ZHX3: variants seen among roughly 807,000 people sequenced by gnomAD.
ZHX3 encodes zinc fingers and homeoboxes 3.
In ZHX3, 20 loss-of-function variants were observed where a neutral mutation model predicts 64.5. That is an observed-to-expected ratio of 0.31 (90% CI 0.22 to 0.45). ZHX3 has a LOEUF of 0.45. Among genes scored for constraint, ZHX3 ranks in the 20% least tolerant of loss-of-function variants. ZHX3 has a pLI of 1.00. For missense variants in ZHX3, 1,041 were observed against 1,195.8 expected (o/e 0.87, Z 1.91); for synonymous variants, 423 against 461.6 (o/e 0.92, Z 1.07).
intron 2 of ZHX3, among the ~76,000 whole-genome samples, chr20:41,257,812 C>T (rs2042342055): frequency 1.4e-5 from 2 of 145,694 alleles, no homozygotes; most frequent in Admixed American, 1.3e-4. Context: ...GGGGTTTCAC[C>T]ATGCTAGCCA....
At chr20:41,300,592 C>G (rs984424749) in intron 1 of ZHX3, among the ~76,000 whole-genome samples, 1 of 152,124 alleles carries the variant, frequency 6.6e-6, no homozygotes, top group South Asian at 2.1e-4. Context: ...AGGTAATCTA[C>G]TTTATGCTCC....
At chr20:41,296,698 T>C (rs1015071270) in intron 1 of ZHX3, among the ~76,000 whole-genome samples, 37 of 152,250 alleles carry the variant, frequency 2.4e-4, no homozygotes, top group East Asian at 1.9e-4. Context: ...ATGAATCACA[T>C]CAACAGGTCC....
intron 1 of ZHX3, among the ~76,000 whole-genome samples, chr20:41,295,253 A>G (rs1169106680): frequency 1.3e-5 from 2 of 152,188 alleles, no homozygotes; most frequent in East Asian, 1.9e-4. Flanking sequence ...TACATAAAAC[A>G]CTTCAGTAGA....
intron 1 of ZHX3, among the ~76,000 whole-genome samples, chr20:41,303,354 T>G (rs895434319): frequency 2.6e-5 from 4 of 152,232 alleles, no homozygotes; most frequent in African/African-American, 9.7e-5. Flanking sequence ...TGTGGAGGTC[T>G]TCGTAAATAT....
chr20:41,232,682 C>T lies in ZHX3; in HGVS notation c.-150-27616G>A, dbSNP rs867901026. Among the ~76,000 whole-genome samples, 39 of 152,136 alleles carry T rather than the reference C, an allele frequency of 2.6e-4. No individual in the cohort carries two copies. The highest frequency in any genetic ancestry group is 1.6e-3 in the Admixed American group (24 of 15,266). On this transcript the variant is annotated intron_variant, in intron 2 of 3. Coordinates refer to ENST00000683867, the MANE Select transcript of ZHX3 (RefSeq NM_001384317.1). This position sits in a 1 kb window ranked among gnomAD's most constrained non-coding sequence, Gnocchi z 5.0. ...TCGGCTCATTGCAAGCTCCGCCTCC[C>T]GGGTTCACGCCATTCTCCTGCCTCA...
chr20:41,218,935 T>TG (rs1568844669), intron 2 of ZHX3, among the ~76,000 whole-genome samples: 4 of 145,888 alleles, frequency 2.7e-5, no homozygotes, highest in Middle Eastern at 3.4e-3. Context: ...TTTTTTTTTT[T>TG]TTTTTTTTTT....
rs372301780 is a variant in ZHX3 at position 41,185,183 on chromosome 20, G to T, written c.*8C>A. The T allele has an allele frequency of 6.2e-7, 1 of 1,609,436 alleles. No individual in the cohort carries two copies. Among genetic ancestry groups the T allele is most frequent in the Non-Finnish European group, 8.5e-7 (1 of 1,177,748 alleles). ...ACTGGCCAGTCCTTCACATTAATCA[G>T]ATCAAATTCAGTCTGTTTCTGAGAA... On this transcript the variant is annotated 3_prime_UTR_variant, in exon 4 of 4. Coordinates refer to ENST00000683867, the MANE Select transcript of ZHX3 (RefSeq NM_001384317.1). This position sits in a 1 kb window ranked among gnomAD's most constrained non-coding sequence, Gnocchi z 5.0.
chr20:41,202,598 G>A lies in ZHX3; in HGVS notation c.2319C>T (p.Ala773=), dbSNP rs1332261033. 1 of 1,613,924 alleles carries A rather than the reference G, an allele frequency of 6.2e-7. No homozygotes were observed. The highest frequency in any genetic ancestry group is 1.7e-5 in the Admixed American group (1 of 60,022). ...LPGKVSCKKT[A]QQRHLLRQLF... ...GCTGCCGCAGCAAGTGCCGCTGCTG[G>A]GCAGTCTTTTTGCAGCTCACTTTGC... The change falls in exon 3 of 4, where the codon GCC becomes GCT. Residue 773 remains alanine, a synonymous_variant. Coordinates refer to ENST00000683867, the MANE Select transcript of ZHX3 (RefSeq NM_001384317.1). This position sits in a 1 kb window ranked among gnomAD's most constrained non-coding sequence, Gnocchi z 7.0.
intron 1 of ZHX3, among the ~76,000 whole-genome samples, chr20:41,289,703 T>A (rs2044128709): frequency 6.6e-6 from 1 of 152,086 alleles, no homozygotes; most frequent in African/African-American, 2.4e-5. Flanking sequence ...GTCACTTTTT[T>A]TTTTTTAACA....
chr20:41,204,240 C>A lies in ZHX3; in HGVS notation c.677G>T (p.Arg226Ile), dbSNP rs1274983172. Reference sequence around the variant, plus strand: ...ATTGATGAAGGAATGGTCCCCCTCTCTCACCTCCATTTCTCCAGTCGACAG... The same window carrying A: ...ATTGATGAAGGAATGGTCCCCCTCTATCACCTCCATTTCTCCAGTCGACAG... Reference protein sequence around the residue: ...PKLSTGEMEVREGDHSFINGA... With the variant: ...PKLSTGEMEVIEGDHSFINGA... Residue 226 changes from arginine to isoleucine, a missense_variant, in exon 3 of 4, where the codon AGA becomes ATA. Coordinates refer to ENST00000683867, the MANE Select transcript of ZHX3 (RefSeq NM_001384317.1). The surrounding 1 kb of genome is among the most constrained non-coding windows in gnomAD (Gnocchi z 6.6). The A allele has an allele frequency of 1.2e-6, 2 of 1,614,044 alleles. No individual in the cohort carries two copies. Among genetic ancestry groups the A allele is most frequent in the East Asian group, 2.2e-5 (1 of 44,882 alleles).
intron 1 of ZHX3, among the ~76,000 whole-genome samples, chr20:41,309,807 C>G (rs1037215787): frequency 6.6e-6 from 1 of 152,222 alleles, no homozygotes; most frequent in Non-Finnish European, 1.5e-5. Context: ...TCTGACCACA[C>G]AGATGGCTGA....
Position 41,305,475 on chromosome 20 carries a change from G to A in ZHX3, c.-245+12034C>T, listed in dbSNP as rs183572641. 9.4e-3 allele frequency among the ~76,000 whole-genome samples: 1,425 copies of A among 152,158 alleles called. 11 individuals are homozygous for A. Among genetic ancestry groups the A allele is most frequent in the Non-Finnish European group, 0.015 (1,040 of 67,994 alleles). ...CCACTGCACTCCAGTCTGGGCAACA[G>A]AGCAAGGCCCTGTCTCAAAAACCAA... On this transcript the variant is annotated intron_variant, in intron 1 of 3. Coordinates refer to ENST00000683867, the MANE Select transcript of ZHX3 (RefSeq NM_001384317.1).
In ZHX3 at chr20:41,203,654, T is replaced by C. The variant is rs2038447915; in HGVS notation, c.1263A>G (p.Thr421=). ...GCTGAGTGACCAGAAGTCCCCCTCC[T>C]GTACCCTCTGGCTGCCCCACAACGT... ...PGHVVGQPEG[T]GGGLLVTQPL... The change falls in exon 3 of 4, where the codon ACA becomes ACG. Residue 421 remains threonine, a synonymous_variant. Coordinates refer to ENST00000683867, the MANE Select transcript of ZHX3 (RefSeq NM_001384317.1). This position sits in a 1 kb window ranked among gnomAD's most constrained non-coding sequence, Gnocchi z 7.1. 9 of 1,614,210 alleles carry C rather than the reference T, an allele frequency of 5.6e-6. No individual in the cohort carries two copies. Among genetic ancestry groups the C allele is most frequent in the Non-Finnish European group, 7.6e-6 (9 of 1,180,030 alleles).
intron 1 of ZHX3, among the ~76,000 whole-genome samples, chr20:41,285,945 TATC>T (rs1399790737): frequency 6.6e-6 from 1 of 152,208 alleles, no homozygotes; most frequent in Non-Finnish European, 1.5e-5. Context: ...TAAATGCTAT[TATC>T]ATTTTAAACT....
intron 2 of ZHX3, among the ~76,000 whole-genome samples, chr20:41,249,071 T>C (rs140586165): frequency 1.3e-5 from 2 of 152,332 alleles, no homozygotes; most frequent in African/African-American, 4.8e-5. Context: ...TGACTTCCAC[T>C]ATATAGGATT....
At chr20:41,272,073 A>G (rs1568928565) in intron 1 of ZHX3, 2 of 152,234 alleles carry the variant, frequency 1.3e-5, no homozygotes, top group South Asian at 2.1e-4. Context: ...GAAGGAAACA[A>G]TATCAGACCA....
chr20:41,260,300 A>C (rs1384383791), intron 2 of ZHX3, among the ~76,000 whole-genome samples: 7 of 152,350 alleles, frequency 4.6e-5, no homozygotes, highest in South Asian at 4.1e-4. Flanking sequence ...TAGGAAGTTA[A>C]ATATGTTATC....
chr20:41,211,630 T>A (rs906294406), intron 2 of ZHX3, among the ~76,000 whole-genome samples: 114 of 152,238 alleles, frequency 7.5e-4, no homozygotes, highest in African/African-American at 2.7e-3. Flanking sequence ...AACATTACGT[T>A]ATAAACCTTT....
chr20:41,245,000 T>C (rs148492790), intron 2 of ZHX3, among the ~76,000 whole-genome samples: 2 of 152,250 alleles, frequency 1.3e-5, no homozygotes, highest in African/African-American at 4.8e-5. Flanking sequence ...AGATATCTAT[T>C]GACAGTGTTC....
Sources: gnomAD v4.1 joint callset for allele counts (sites outside exome capture counted in the v4.1 genomes callset) on GRCh38, gnomAD v4.1.1 for gene constraint, Gnocchi (gnomAD v3.1) non-coding constraint, MANE v1.5 for transcripts, NCBI Gene and HGNC (gene_info 2026-07-23, HGNC 2026-07-21) for gene names.